SMAP1: variants seen among roughly 807,000 people sequenced by gnomAD.
SMAP1 encodes the protein stromal membrane-associated protein 1.
SMAP1 carries 24 observed loss-of-function variants against 58.5 expected under a neutral mutation model. That is an observed-to-expected ratio of 0.41 (90% CI 0.30 to 0.58). SMAP1 has a LOEUF of 0.58. SMAP1 is among the 20% of genes least tolerant of loss of function. The probability of loss-of-function intolerance (pLI) is 0.29; values close to 1 mark genes in which losing one functional copy is unlikely to be tolerated. For missense variants in SMAP1, 563 were observed against 566.3 expected, an observed-to-expected ratio of 0.99 and a Z score of 0.06; for synonymous variants, 216 against 196.6, an observed-to-expected ratio of 1.10 and a Z score of -0.82.
At chr6:70,848,325 G>A (rs943043479) in intron 7 of SMAP1, among the ~76,000 whole-genome samples, 2 of 152,160 alleles carry the variant, frequency 1.3e-5, no homozygotes, top group African/African-American at 4.8e-5. Context: ...GACATGATGA[G>A]GAAAATTTTG....
At chr6:70,699,280 C>T (rs1315245676) in intron 1 of SMAP1, among the ~76,000 whole-genome samples, 1 of 152,170 alleles carries the variant, frequency 6.6e-6, no homozygotes, top group East Asian at 1.9e-4. Flanking sequence ...TGCAGAGCTT[C>T]CTGCGGCTGA....
chr6:70,746,025 A>G (rs569564129), intron 2 of SMAP1, among the ~76,000 whole-genome samples: 117 of 152,204 alleles, frequency 7.7e-4, no homozygotes, highest in African/African-American at 2.7e-3. Flanking sequence ...ATGATTTTGT[A>G]TCCTGAGACT....
At chr6:70,674,738 C>G (rs1766406792) in intron 1 of SMAP1, among the ~76,000 whole-genome samples, 1 of 152,188 alleles carries the variant, frequency 6.6e-6, no homozygotes, top group African/African-American at 2.4e-5. Flanking sequence ...CTTTGGGAGG[C>G]TGAGGCAGGT....
chr6:70,696,134 T>C (rs1361746907), intron 1 of SMAP1, among the ~76,000 whole-genome samples: 2 of 152,160 alleles, frequency 1.3e-5, no homozygotes, highest in Non-Finnish European at 2.9e-5. Context: ...TCCTTTTTCA[T>C]CTCTGATTTT....
chr6:70,724,920 G>A (rs1768700201), intron 1 of SMAP1, among the ~76,000 whole-genome samples: 1 of 151,766 alleles, frequency 6.6e-6, no homozygotes, highest in Non-Finnish European at 1.5e-5. Context: ...TTTGCTAGGA[G>A]AAACCTTTTG....
At chr6:70,702,584 A>G (rs1234517628) in intron 1 of SMAP1, among the ~76,000 whole-genome samples, 7 of 150,940 alleles carry the variant, frequency 4.6e-5, no homozygotes, top group South Asian at 2.1e-4. Flanking sequence ...CATGCACTCC[A>G]TGCCTCATGC....
intron 5 of SMAP1, among the ~76,000 whole-genome samples, chr6:70,794,372 C>A (rs185268828): frequency 6.6e-6 from 1 of 152,070 alleles, no homozygotes; most frequent in Non-Finnish European, 1.5e-5. Context: ...AATATTACTT[C>A]GAAGCCTGTA....
intron 3 of SMAP1, among the ~76,000 whole-genome samples, chr6:70,760,471 C>G (rs1398659245): frequency 6.6e-6 from 1 of 151,940 alleles, no homozygotes; most frequent in Non-Finnish European, 1.5e-5. Context: ...AGACTAGTCC[C>G]CATATCTAAT....
intron 1 of SMAP1, among the ~76,000 whole-genome samples, chr6:70,685,028 G>A (rs1581996293): frequency 6.6e-6 from 1 of 152,172 alleles, no homozygotes; most frequent in African/African-American, 2.4e-5. Flanking sequence ...GGTAATACCT[G>A]TGTCACAGGG....
chr6:70,715,981 T>G (rs1768252391), intron 1 of SMAP1, among the ~76,000 whole-genome samples: 1 of 152,194 alleles, frequency 6.6e-6, no homozygotes, highest in Non-Finnish European at 1.5e-5. Flanking sequence ...GAGAACATAA[T>G]GATGTTTGGT....
chr6:70,790,929 T>C (rs1250833788), intron 4 of SMAP1, among the ~76,000 whole-genome samples: 1 of 152,160 alleles, frequency 6.6e-6, no homozygotes. Context: ...ATGCTTCCAT[T>C]AAAGTGATCA....
chr6:70,790,286 A>G (rs1255572470), intron 4 of SMAP1, among the ~76,000 whole-genome samples: 5 of 152,258 alleles, frequency 3.3e-5, no homozygotes, highest in East Asian at 1.9e-4. Context: ...GATTACAGGC[A>G]TGCACCACCA....
intron 2 of SMAP1, among the ~76,000 whole-genome samples, chr6:70,748,134 A>T (rs150787289): frequency 2.0e-5 from 3 of 152,314 alleles, no homozygotes; most frequent in African/African-American, 7.2e-5. Flanking sequence ...GCTTGCTCCT[A>T]TGCAAGAAAT....
At chr6:70,769,502 T>G (rs1291816685) in intron 3 of SMAP1, among the ~76,000 whole-genome samples, 1 of 152,248 alleles carries the variant, frequency 6.6e-6, no homozygotes, top group East Asian at 1.9e-4. Flanking sequence ...TTTACCATTA[T>G]GTAATGGCCT....
At chr6:70,844,324 T>TGTGTGTGTGTACACATGTGTGC (rs1359231657) in intron 7 of SMAP1, among the ~76,000 whole-genome samples, 2 of 151,832 alleles carry the variant, frequency 1.3e-5, no homozygotes, top group African/African-American at 4.8e-5. Context: ...TCAGAGTGCG[T>TGTGTGTGTGTACACATGTGTGC]GTGTGTGTGT....
intron 2 of SMAP1, among the ~76,000 whole-genome samples, chr6:70,735,717 C>T (rs1562123547): frequency 6.6e-6 from 1 of 152,134 alleles, no homozygotes; most frequent in Admixed American, 6.5e-5. Flanking sequence ...TGCAGTAAGC[C>T]AAGATCCTGC....
chr6:70,710,319 C>T (rs1486763856), intron 1 of SMAP1, among the ~76,000 whole-genome samples: 1 of 151,676 alleles, frequency 6.6e-6, no homozygotes, highest in Non-Finnish European at 1.5e-5. Flanking sequence ...GGTGAAACCC[C>T]ATCTCTACTA....
At chr6:70,674,145 A>T (rs1490120018) in intron 1 of SMAP1, among the ~76,000 whole-genome samples, 4 of 150,944 alleles carry the variant, frequency 2.6e-5, no homozygotes, top group Admixed American at 2.0e-4. Context: ...TTTTTGGTAC[A>T]GGGTCTCACT....
At chr6:70,701,865 A>G (rs1038699079) in intron 1 of SMAP1, among the ~76,000 whole-genome samples, 89 of 152,120 alleles carry the variant, frequency 5.9e-4, no homozygotes, top group African/African-American at 2.1e-3. Flanking sequence ...TAATTGTTCA[A>G]TTTGGTGTTC....
Sources: allele counts gnomAD v4.1 joint callset (sites outside exome capture counted in the v4.1 genomes callset), GRCh38; gene constraint gnomAD v4.1.1; transcripts MANE v1.5; gene names NCBI Gene and HGNC (gene_info 2026-07-23, HGNC 2026-07-21).